ADAM19: variants seen among roughly 807,000 people sequenced by gnomAD.
ADAM19 encodes the protein disintegrin and metalloproteinase domain-containing protein 19.
In ADAM19, 65 loss-of-function variants were observed where a neutral mutation model predicts 114.7. The ratio of observed to expected loss-of-function variants is 0.57; its 90% confidence interval spans 0.46 to 0.70. The LOEUF (loss-of-function observed/expected upper bound fraction) is 0.70. Ranked by LOEUF, ADAM19 falls within the 30% of genes least tolerant of loss-of-function variation. ADAM19 has a pLI of 0.00. For synonymous variants in ADAM19, 466 were observed against 460.5 expected, an observed-to-expected ratio of 1.01 and a Z score of -0.15; for missense variants, 1,063 against 1,204.7, an observed-to-expected ratio of 0.88 and a Z score of 1.74.
intron 2 of ADAM19, among the ~76,000 whole-genome samples, chr5:157,564,791 C>T (rs961160758): frequency 1.3e-5 from 2 of 152,320 alleles, no homozygotes; most frequent in Non-Finnish European, 2.9e-5. Context: ...ACACCTGCAG[C>T]TGTGTGAAGT....
chr5:157,482,044 A>G, intron 21 of ADAM19, 101 bp from the exon 22 acceptor site: 1 of 958,956 alleles, frequency 1.0e-6, no homozygotes, highest in Non-Finnish European at 1.5e-6. Context: ...TAAAAGTTAT[A>G]TACTGTATGG....
chr5:157,553,049 GT>G (rs1757249343), intron 3 of ADAM19, among the ~76,000 whole-genome samples: 1 of 152,184 alleles, frequency 6.6e-6, no homozygotes, highest in African/African-American at 2.4e-5. Context: ...TGGGAAGGGT[GT>G]AGTGGGGAGA....
At chr5:157,556,571 G>T (rs1019475404) in intron 3 of ADAM19, among the ~76,000 whole-genome samples, 9 of 152,056 alleles carry the variant, frequency 5.9e-5, no homozygotes, top group Non-Finnish European at 1.0e-4. Context: ...ATGTTCCAGG[G>T]ATTCGAATGT....
intron 3 of ADAM19, among the ~76,000 whole-genome samples, chr5:157,558,275 C>T (rs1378698732): frequency 6.6e-6 from 1 of 152,342 alleles, no homozygotes; most frequent in East Asian, 1.9e-4. Context: ...CTGGTGTCCC[C>T]ACCCATTCAT....
At chr5:157,513,098 C>G (rs1188131909) in intron 8 of ADAM19, among the ~76,000 whole-genome samples, 2 of 152,054 alleles carry the variant, frequency 1.3e-5, no homozygotes, top group East Asian at 3.9e-4. Flanking sequence ...TTTCATCTAA[C>G]TTTTATAGTA....
intron 13 of ADAM19, among the ~76,000 whole-genome samples, chr5:157,497,929 T>C (rs1445785971): frequency 3.3e-5 from 5 of 152,240 alleles, no homozygotes; most frequent in Admixed American, 1.3e-4. Flanking sequence ...AAGTCAGTCT[T>C]GGACACCAGG....
chr5:157,488,408 G>C lies in ADAM19; in HGVS notation c.2407C>G (p.Pro803Ala). ...PPPDYLRGGS[P>A]PAPLPAHLSR... Reference sequence around the variant, plus strand: ...AGGTGAGCTGGCAGTGGTGCAGGTGGGGACCCACCACGCAGATAATCTGGA... The same window carrying C: ...AGGTGAGCTGGCAGTGGTGCAGGTGCGGACCCACCACGCAGATAATCTGGA... The change falls in exon 21 of 23, where the codon CCA (proline) becomes GCA (alanine). Residue 803 changes from proline to alanine, a missense_variant. Pro to Ala is a conservative substitution (Grantham distance 27, BLOSUM62 -1). Around this residue, in one of 3 missense-constraint regions of ADAM19, gnomAD observed 424 missense variants for 445.5 expected, o/e 0.95. Transcript: ENST00000257527. The C allele has an allele frequency of 6.2e-7, 1 of 1,613,982 alleles. No homozygotes were observed. Among genetic ancestry groups the C allele is most frequent in the South Asian group, 1.1e-5 (1 of 91,072 alleles).
chr5:157,487,747 G>A (rs1000773263), intron 21 of ADAM19, among the ~76,000 whole-genome samples: 33 of 152,338 alleles, frequency 2.2e-4, no homozygotes, highest in African/African-American at 7.7e-4. Context: ...ACATCCCTAA[G>A]ACTTTCCAAT....
In ADAM19 at chr5:157,518,937, C is replaced by A. The variant is rs193103623; in HGVS notation, c.601-49G>T. ...GCTGTAGAAATAGTGGACTTGGCCT[C>A]ATTTTTAAAAAACTGCTAAGAAACA... On this transcript the variant is annotated intron_variant, in intron 6 of 22. Coordinates refer to ENST00000257527, the MANE Select transcript of ADAM19 (RefSeq NM_033274.5). 6 of 1,527,052 alleles carry A rather than the reference C, an allele frequency of 3.9e-6. No homozygotes were observed. In the Admixed American group the frequency reaches 8.5e-5, roughly 22 times the overall value. 94.6% of individuals were successfully genotyped at this position (1,527,052 alleles called of 1,614,324 possible). A position where few individuals can be genotyped will look rare whatever the true frequency, so the allele number is the denominator to read the frequency against.
At chr5:157,507,566 C>T (rs1201595070) in intron 9 of ADAM19, among the ~76,000 whole-genome samples, 2 of 152,206 alleles carry the variant, frequency 1.3e-5, no homozygotes, top group South Asian at 4.1e-4. Flanking sequence ...CAATACCTTA[C>T]CCCTGGCTCT....
At position 157,519,888 on chromosome 5, in the gene ADAM19, C is replaced by G. The variant is rs199592976; in HGVS notation, c.551G>C (p.Arg184Thr). The change falls in exon 6 of 23, where the codon AGG (arginine) becomes ACG (threonine). Residue 184 changes from arginine (R) to threonine (T), a missense_variant. This residue lies in a region of ADAM19 where 615 missense variants were observed against 706.3 expected (regional missense o/e 0.87). Coordinates refer to ENST00000257527, the MANE Select transcript of ADAM19 (RefSeq NM_033274.5). ...TTGTGTAAACTGAAGAGCCCAGTCC[C>G]TGGTGGTGGGCTTGGAGTGCTCGAA... The part of the protein sequence containing the change: ...CGFEHSKPTT[R>T]DWALQFTQQT... 117 of 1,614,098 alleles carry G rather than the reference C, an allele frequency of 7.2e-5. No homozygotes were observed. In the East Asian group the frequency reaches 2.2e-3, roughly 31 times the overall value.
chr5:157,489,344 C>T (rs1755071249), intron 19 of ADAM19, among the ~76,000 whole-genome samples, 158 bp from the exon 20 acceptor site: 1 of 152,168 alleles, frequency 6.6e-6, no homozygotes, highest in Admixed American at 6.5e-5. Flanking sequence ...CCACATCTTC[C>T]TAAGTAGAAA....
chr5:157,562,289 C>T (rs570680373), intron 3 of ADAM19, among the ~76,000 whole-genome samples: 8 of 152,296 alleles, frequency 5.3e-5, no homozygotes, highest in African/African-American at 1.4e-4. Context: ...CCATTTTTAC[C>T]AACTCTGCTG....
At chr5:157,571,094 A>G in intron 1 of ADAM19, 114 bp from the exon 2 acceptor site, 1 of 834,128 alleles carries the variant, frequency 1.2e-6, no homozygotes, top group Non-Finnish European at 1.9e-6. Context: ...GACTTGCTGG[A>G]TTTCAGGCTC....
intron 4 of ADAM19, among the ~76,000 whole-genome samples, chr5:157,533,601 A>C (rs1159602241): frequency 6.6e-6 from 1 of 152,166 alleles, no homozygotes; most frequent in Admixed American, 6.5e-5. Flanking sequence ...TGGGGCTCAG[A>C]GAAGTTGGAA....
At chr5:157,481,520 G>T in intron 22 of ADAM19, 1 of 1,204,128 alleles carries the variant, frequency 8.3e-7, no homozygotes, top group Non-Finnish European at 1.1e-6. Flanking sequence ...GACTCAAGAG[G>T]GACTTGCTCA....
intron 2 of ADAM19, chr5:157,565,936 C>G (rs928108017): frequency 2.0e-5 from 3 of 151,858 alleles, no homozygotes; most frequent in African/African-American, 7.3e-5. Context: ...TGGTGAAACC[C>G]CGTCTCTACT....
In ADAM19 at chr5:157,569,438, T is replaced by G. The variant is rs1017616857; in HGVS notation, c.180+1457A>C. On this transcript the variant is annotated intron_variant, in intron 2 of 22. Transcript: ENST00000257527. ...TTTCTTTTTTTTTTTTTTTTTTTTT[T>G]GTAGAGATAGGATCTCAGTATGGTG... 7.5e-5 allele frequency among the ~76,000 whole-genome samples: 10 copies of G among 133,818 alleles called. No individual in the cohort carries two copies. The East Asian group carries it at 8.2e-4, about 11-fold the overall frequency. 87.8% of individuals were successfully genotyped at this position (133,818 alleles called of 152,430 possible). A position where few individuals can be genotyped will look rare whatever the true frequency, so the allele number is the denominator to read the frequency against.
intron 3 of ADAM19, among the ~76,000 whole-genome samples, chr5:157,540,882 A>G (rs72811330): frequency 6.6e-6 from 1 of 152,142 alleles, no homozygotes; most frequent in Non-Finnish European, 1.5e-5. Flanking sequence ...CTGAATCTAC[A>G]TAAAACAATC....
Sources: gnomAD v4.1 joint callset for allele counts (sites outside exome capture counted in the v4.1 genomes callset) on GRCh38, gnomAD v4.1.1 for gene constraint, gnomAD v4.1.1 regional missense constraint, MANE v1.5 for transcripts, NCBI Gene and HGNC (gene_info 2026-07-23, HGNC 2026-07-21) for gene names.